CSMD1: variants seen among roughly 807,000 people sequenced by gnomAD.
The protein encoded by CSMD1 is CUB and sushi domain-containing protein 1.
A neutral mutation model predicts 417.5 loss-of-function variants in CSMD1; 213 were observed. The ratio of observed to expected loss-of-function variants is 0.51; its 90% confidence interval spans 0.46 to 0.57. The LOEUF (loss-of-function observed/expected upper bound fraction) is 0.57. CSMD1 is among the 20% of genes least tolerant of loss of function. The pLI, the probability that CSMD1 is intolerant of heterozygous loss-of-function variation, is 0.00. For missense variants in CSMD1, 6,923 were observed against 4,529.7 expected (o/e 1.53, Z -15.17); for synonymous variants, 2,862 against 1,736.8 (o/e 1.65, Z -16.11).
intron 56 of CSMD1, among the ~76,000 whole-genome samples, chr8:2,973,740 G>C (rs1207568128): frequency 6.6e-6 from 1 of 151,862 alleles, no homozygotes; most frequent in Non-Finnish European, 1.5e-5. Context: ...GCTGAATTTT[G>C]GTTGTTTAAG....
chr8:4,616,999 C>T (rs1282917661), intron 2 of CSMD1, among the ~76,000 whole-genome samples: 1 of 151,868 alleles, frequency 6.6e-6, no homozygotes, highest in Non-Finnish European at 1.5e-5. Context: ...CTTAATATTC[C>T]ATAAGTGATT....
chr8:3,094,311 G>T lies in CSMD1; in HGVS notation c.7138+2538C>A, dbSNP rs960500580. Among the ~76,000 whole-genome samples the T allele has an allele frequency of 2.6e-5, 4 of 151,884 alleles. No homozygotes were observed. In the East Asian group the frequency reaches 7.8e-4, roughly 30 times the overall value. The stretch of plus-strand genomic sequence containing the variant: ...TAGCAGAGACGGTTTCACCACGCTG[G>T]CCAGGCTGGTCTCAAACTCCTGACC... On this transcript the variant is annotated intron_variant, in intron 47 of 69. Coordinates refer to ENST00000635120, the MANE Select transcript of CSMD1 (RefSeq NM_033225.6).
intron 3 of CSMD1, among the ~76,000 whole-genome samples, chr8:4,394,060 A>G (rs1355326647): frequency 6.6e-6 from 1 of 152,132 alleles, no homozygotes; most frequent in African/African-American, 2.4e-5. Context: ...CTTCTCAGTT[A>G]CTCATATCTG....
intron 49 of CSMD1, among the ~76,000 whole-genome samples, chr8:3,078,015 T>C (rs1447118039): frequency 2.0e-5 from 3 of 152,268 alleles, no homozygotes; most frequent in Non-Finnish European, 2.9e-5. Context: ...TCCCTTTGTT[T>C]GCTTTGTGAA....
intron 6 of CSMD1, among the ~76,000 whole-genome samples, chr8:3,728,869 G>T (rs980856787): frequency 1.1e-4 from 16 of 152,176 alleles, no homozygotes; most frequent in Non-Finnish European, 1.5e-4. Flanking sequence ...CATGGACTAA[G>T]GCAGGGATAC....
chr8:4,972,971 A>C (rs548056123), intron 1 of CSMD1, among the ~76,000 whole-genome samples: 2 of 152,292 alleles, frequency 1.3e-5, no homozygotes, highest in South Asian at 4.1e-4. Flanking sequence ...AAAAATTAAA[A>C]ATCACTTGGA....
chr8:4,583,015 G>A (rs899692042), intron 2 of CSMD1, among the ~76,000 whole-genome samples: 2 of 152,202 alleles, frequency 1.3e-5, no homozygotes, highest in Non-Finnish European at 2.9e-5. Flanking sequence ...AGCAGTGCCA[G>A]CCCACCGGCG....
At chr8:4,935,884 T>C (rs1240603172) in intron 1 of CSMD1, among the ~76,000 whole-genome samples, 1 of 152,194 alleles carries the variant, frequency 6.6e-6, no homozygotes, top group Non-Finnish European at 1.5e-5. Context: ...TCATGCAATT[T>C]CTGGGCTGTC....
intron 1 of CSMD1, among the ~76,000 whole-genome samples, chr8:4,752,150 C>G (rs1321158934): frequency 6.6e-6 from 1 of 151,910 alleles, no homozygotes; most frequent in Non-Finnish European, 1.5e-5. Flanking sequence ...ATCTCAGTTG[C>G]TCTTTAGTTC....
At chr8:3,260,226 A>G (rs1014660286) in intron 26 of CSMD1, among the ~76,000 whole-genome samples, 2 of 152,136 alleles carry the variant, frequency 1.3e-5, no homozygotes, top group South Asian at 2.1e-4. Context: ...CTTTATGCAT[A>G]TAACTAGGTT....
At chr8:3,147,586 C>T (rs147045322) in intron 40 of CSMD1, among the ~76,000 whole-genome samples, 2 of 152,154 alleles carry the variant, frequency 1.3e-5, no homozygotes, top group East Asian at 3.9e-4. Context: ...ACAGCACAAC[C>T]GCCATTGAGG....
intron 3 of CSMD1, among the ~76,000 whole-genome samples, chr8:4,234,520 C>G (rs1801931461): frequency 6.6e-6 from 1 of 152,172 alleles, no homozygotes; most frequent in Non-Finnish European, 1.5e-5. Flanking sequence ...CACTAGATAT[C>G]ACTCCTAAAT....
chr8:4,585,020 T>C (rs1294484642), intron 2 of CSMD1, among the ~76,000 whole-genome samples: 1 of 151,404 alleles, frequency 6.6e-6, no homozygotes, highest in African/African-American at 2.4e-5. Context: ...ATTTGTACAA[T>C]TTTTCATACA....
At chr8:3,559,480 T>C (rs1354232534) in intron 10 of CSMD1, among the ~76,000 whole-genome samples, 1 of 151,686 alleles carries the variant, frequency 6.6e-6, no homozygotes, top group Non-Finnish European at 1.5e-5. Flanking sequence ...TCATCTAAAA[T>C]TTAAAGGCAC....
chr8:4,384,333 C>T (rs372453628), intron 3 of CSMD1, among the ~76,000 whole-genome samples: 71 of 152,172 alleles, frequency 4.7e-4, no homozygotes, highest in African/African-American at 1.3e-3. Flanking sequence ...CTCATGGCAA[C>T]GCACACACCA....
At chr8:4,743,627 G>C (rs1032315318) in intron 1 of CSMD1, among the ~76,000 whole-genome samples, 2 of 152,086 alleles carry the variant, frequency 1.3e-5, no homozygotes, top group Admixed American at 1.3e-4. Flanking sequence ...AATTTTACAA[G>C]TTGCTTTTCC....
intron 2 of CSMD1, among the ~76,000 whole-genome samples, chr8:4,565,513 G>T (rs192107152): frequency 1.3e-5 from 2 of 151,868 alleles, no homozygotes; most frequent in East Asian, 3.9e-4. Flanking sequence ...CAAGGTGGGC[G>T]ATCACAAGGT....
chr8:4,879,108 G>A (rs1803234155), intron 1 of CSMD1, among the ~76,000 whole-genome samples: 1 of 151,992 alleles, frequency 6.6e-6, no homozygotes, highest in Non-Finnish European at 1.5e-5. Flanking sequence ...AACAAAAAAA[G>A]ATATCATTTA....
intron 10 of CSMD1, among the ~76,000 whole-genome samples, chr8:3,528,459 C>T (rs1265123502): frequency 6.6e-6 from 1 of 152,228 alleles, no homozygotes; most frequent in African/African-American, 2.4e-5. Context: ...CTATGCCTTG[C>T]TTCAGCTTCC....
Sources: gnomAD v4.1 joint callset for allele counts (sites outside exome capture counted in the v4.1 genomes callset) on GRCh38, gnomAD v4.1.1 for gene constraint, MANE v1.5 for transcripts, NCBI Gene and HGNC (gene_info 2026-07-23, HGNC 2026-07-21) for gene names.